Variants in UTRN observed in about 807,000 individuals in gnomAD.
The protein encoded by UTRN is dystrophin-related protein 1.
UTRN carries 283 observed loss-of-function variants against 463.9 expected under a neutral mutation model. The observed-to-expected ratio is 0.61, with a 90% CI of 0.55 to 0.67. The LOEUF (loss-of-function observed/expected upper bound fraction) is 0.67, where lower values mean the gene tolerates loss of function less well. UTRN is among the 30% of genes least tolerant of loss of function. The pLI is 0.00. For missense variants in UTRN, 3,922 were observed against 4,084.3 expected (o/e 0.96, Z 1.08); for synonymous variants, 1,442 against 1,431.5 (o/e 1.01, Z -0.17).
chr6:144,290,588 T>C (rs1159058698), intron 1 of UTRN, among the ~76,000 whole-genome samples: 1 of 152,144 alleles, frequency 6.6e-6, no homozygotes, highest in Non-Finnish European at 1.5e-5. Context: ...CCCAACATAT[T>C]ACTATGAAAA....
In UTRN at chr6:144,806,559, A is replaced by G. The variant is rs1398560395; in HGVS notation, c.9357+3412A>G. ...AATAGCAATGAATGATCTGATTGCT[A>G]TTATTGTAGCATTAATGTCTTTCCA... On this transcript the variant is annotated intron_variant, in intron 65 of 74. Transcript: ENST00000367545. Among the ~76,000 whole-genome samples the G allele has an allele frequency of 5.9e-5, 6 of 102,128 alleles. 2 individuals carry two copies. Among genetic ancestry groups the G allele is most frequent in the Non-Finnish European group, 1.3e-4 (6 of 45,494 alleles). The allele number at this position is 102,128 out of a possible 152,430, so 67.0% of individuals were successfully genotyped here.
At chr6:144,709,494 C>T (rs1177202989) in intron 53 of UTRN, among the ~76,000 whole-genome samples, 1 of 152,084 alleles carries the variant, frequency 6.6e-6, no homozygotes, top group Non-Finnish European at 1.5e-5. Context: ...CAAGATCAAC[C>T]CTCAGATGGC....
intron 2 of UTRN, among the ~76,000 whole-genome samples, chr6:144,361,034 A>G (rs753843728): frequency 2.0e-5 from 3 of 152,226 alleles, no homozygotes; most frequent in Non-Finnish European, 4.4e-5. Flanking sequence ...AATATTTTGA[A>G]GACCTTTCTG....
intron 2 of UTRN, among the ~76,000 whole-genome samples, chr6:144,303,333 A>G (rs149562556): frequency 0.012 from 1,900 of 152,264 alleles, 37 homozygotes; most frequent in African/African-American, 0.043. Context: ...CCTTTGTGGG[A>G]CTTTTTAGTA....
At chr6:144,472,380 G>A (rs942506999) in intron 23 of UTRN, among the ~76,000 whole-genome samples, 1 of 148,470 alleles carries the variant, frequency 6.7e-6, no homozygotes, top group Non-Finnish European at 1.5e-5. Flanking sequence ...TCTCACATTT[G>A]AAGATGCTCT....
At chr6:144,612,879 G>T (rs897902783) in intron 51 of UTRN, among the ~76,000 whole-genome samples, 1 of 152,074 alleles carries the variant, frequency 6.6e-6, no homozygotes, top group Non-Finnish European at 1.5e-5. Flanking sequence ...ACTGCAATCA[G>T]TGTTAAAGGG....
At position 144,727,493 on chromosome 6, in the gene UTRN, C is replaced by T. The variant is rs575268437; in HGVS notation, c.7810-2864C>T. ...CCACTCCTGAGCCAGGCGTGGTGGC[C>T]CATGCCTATAATCCCAGCACTTTGG... On this transcript the variant is annotated intron_variant, in intron 53 of 74. Coordinates refer to ENST00000367545, the MANE Select transcript of UTRN (RefSeq NM_007124.3). Among the ~76,000 whole-genome samples, 428 of 152,254 alleles carry T rather than the reference C, an allele frequency of 2.8e-3. 1 individual carries two copies. Among genetic ancestry groups the T allele is most frequent in the African/African-American group, 8.4e-3 (351 of 41,560 alleles).
chr6:144,337,294 C>G (rs1287480593), intron 2 of UTRN, among the ~76,000 whole-genome samples: 1 of 152,168 alleles, frequency 6.6e-6, no homozygotes, highest in African/African-American at 2.4e-5. Context: ...TCTACTCCTT[C>G]TATCTCCTGG....
chr6:144,606,581 G>C (rs1486784437), intron 51 of UTRN, among the ~76,000 whole-genome samples: 1 of 152,072 alleles, frequency 6.6e-6, no homozygotes, highest in Non-Finnish European at 1.5e-5. Flanking sequence ...CTCTCAAATT[G>C]ATCTGGGTCT....
At chr6:144,473,000 C>T (rs1790823296) in intron 23 of UTRN, among the ~76,000 whole-genome samples, 1 of 152,044 alleles carries the variant, frequency 6.6e-6, no homozygotes, top group African/African-American at 2.4e-5. Flanking sequence ...ATCTCTTGAC[C>T]TCGTGATCCG....
chr6:144,548,921 A>G, intron 47 of UTRN, 67 bp downstream of exon 47: 1 of 1,501,048 alleles, frequency 6.7e-7, no homozygotes, highest in Non-Finnish European at 9.0e-7. Flanking sequence ...GATCTGTTTG[A>G]ATCCCTTTTG....
Position 144,802,565 on chromosome 6 carries a change from C to T in UTRN, c.9246-471C>T, listed in dbSNP as rs538023669. 8.4e-4 allele frequency among the ~76,000 whole-genome samples: 128 copies of T among 152,276 alleles called. 1 individual carries two copies. Among genetic ancestry groups the T allele is most frequent in the African/African-American group, 2.7e-3 (114 of 41,570 alleles). On this transcript the variant is annotated intron_variant, in intron 64 of 74. Transcript: ENST00000367545. ...AAGTCAATGTGCAGTGTCATTCTTA[C>T]GCCAGAGATTTTAAAACACCATTTC...
chr6:144,468,505 A>G (rs984721302), intron 23 of UTRN, among the ~76,000 whole-genome samples: 29 of 151,724 alleles, frequency 1.9e-4, no homozygotes, highest in African/African-American at 6.5e-4. Context: ...TTTTTTTTGC[A>G]TGTGAAATAA....
intron 64 of UTRN, among the ~76,000 whole-genome samples, chr6:144,798,780 C>T (rs1383104145): frequency 1.3e-5 from 2 of 152,242 alleles, no homozygotes; most frequent in Non-Finnish European, 1.5e-5. Flanking sequence ...CCCACTCTGT[C>T]ACCCAAGCTG....
intron 61 of UTRN, among the ~76,000 whole-genome samples, chr6:144,782,638 A>AT (rs1491127233): frequency 2.7e-5 from 4 of 149,308 alleles, no homozygotes; most frequent in African/African-American, 7.4e-5. Context: ...ATATATATAT[A>AT]ATATATATAT....
chr6:144,620,012 G>A (rs145281293), intron 51 of UTRN, among the ~76,000 whole-genome samples: 18 of 152,316 alleles, frequency 1.2e-4, no homozygotes, highest in African/African-American at 3.8e-4. Context: ...CAGATATCCA[G>A]TGTGTCTGCA....
chr6:144,450,254 G>A (rs554760068), intron 17 of UTRN, among the ~76,000 whole-genome samples: 9 of 152,248 alleles, frequency 5.9e-5, no homozygotes, highest in African/African-American at 2.2e-4. Context: ...AACTGCCTTT[G>A]GGTTAAGTCC....
At chr6:144,479,670 G>T in intron 25 of UTRN, 142 bp from the exon 26 acceptor site, 1 of 933,736 alleles carries the variant, frequency 1.1e-6, no homozygotes, top group East Asian at 2.6e-5. Flanking sequence ...GTTAGCATGA[G>T]ATGTATGAGA....
chr6:144,511,078 G>A lies in UTRN; in HGVS notation c.4899G>A (p.Trp1633Ter), dbSNP rs764154090. ...EERLCVLNAG[W>*]SRVRTWTEDW... ...GGCTCTGCGTCCTTAACGCTGGGTG[G>A]AGCCGAGTTCGTACCTGGACTGAAG... The change falls in exon 35 of 75, where the codon TGG (tryptophan) becomes TGA (stop). Residue 1633 changes from tryptophan to a stop codon, truncating the protein, a stop_gained. Coordinates refer to ENST00000367545, the MANE Select transcript of UTRN (RefSeq NM_007124.3). LOFTEE classifies it high-confidence loss of function. 2 of 1,609,788 alleles carry A rather than the reference G, an allele frequency of 1.2e-6. No homozygotes were observed. Among genetic ancestry groups the A allele is most frequent in the South Asian group, 1.1e-5 (1 of 90,544 alleles).
Sources: allele counts gnomAD v4.1 joint callset (sites outside exome capture counted in the v4.1 genomes callset), GRCh38; gene constraint gnomAD v4.1.1; transcripts MANE v1.5; gene names NCBI Gene and HGNC (gene_info 2026-07-23, HGNC 2026-07-21).